The following KCTD8 variants were observed in gnomAD, a reference collection of about 807,000 sequenced individuals.
The protein encoded by KCTD8 is BTB/POZ domain-containing protein KCTD8.
KCTD8 carries 27 observed loss-of-function variants against 31.5 expected under a neutral mutation model. That is an observed-to-expected ratio of 0.86 (90% CI 0.63 to 1.18). The LOEUF is 1.18. KCTD8 is among the 50% of genes most tolerant of loss of function. KCTD8 has a pLI of 0.00. For missense variants in KCTD8, 658 were observed against 647.7 expected (o/e 1.02, Z -0.17); for synonymous variants, 290 against 280.0 (o/e 1.04, Z -0.36).
intron 1 of KCTD8, chr4:44,293,936 T>G: frequency 2.8e-6 from 1 of 357,804 alleles, no homozygotes; most frequent in South Asian, 2.2e-5. Flanking sequence ...ACAATTTTCT[T>G]GAGCATTTTA....
At chr4:44,253,227 T>C (rs1715895877) in intron 1 of KCTD8, among the ~76,000 whole-genome samples, 1 of 151,876 alleles carries the variant, frequency 6.6e-6, no homozygotes, top group African/African-American at 2.4e-5. Context: ...TCTTGTTTAA[T>C]AAATTTTATG....
chr4:44,194,675 T>C (rs1713877656), intron 1 of KCTD8, among the ~76,000 whole-genome samples: 1 of 152,076 alleles, frequency 6.6e-6, no homozygotes, highest in East Asian at 1.9e-4. Flanking sequence ...GCCTACTCTT[T>C]GTTCACTTTA....
chr4:44,218,098 A>C (rs1019983306), intron 1 of KCTD8, among the ~76,000 whole-genome samples: 1 of 147,438 alleles, frequency 6.8e-6, no homozygotes, highest in Non-Finnish European at 1.5e-5. Context: ...TATAGTCAAT[A>C]GTAACACTGT....
At chr4:44,310,375 A>G (rs1376072525) in intron 1 of KCTD8, among the ~76,000 whole-genome samples, 1 of 152,128 alleles carries the variant, frequency 6.6e-6, no homozygotes, top group African/African-American at 2.4e-5. Context: ...TGCTGCAATA[A>G]AAATGGGAGC....
chr4:44,426,032 G>T (rs2109473856), intron 1 of KCTD8, among the ~76,000 whole-genome samples: 1 of 151,686 alleles, frequency 6.6e-6, no homozygotes, highest in Non-Finnish European at 1.5e-5. Context: ...AAAAAAAAGT[G>T]TCTAGAAACC....
At chr4:44,368,793 T>C (rs1490557932) in intron 1 of KCTD8, among the ~76,000 whole-genome samples, 6 of 152,230 alleles carry the variant, frequency 3.9e-5, no homozygotes, top group Non-Finnish European at 8.8e-5. Context: ...AGGTTATAGT[T>C]AAATATGAAG....
At chr4:44,233,582 G>C (rs913381081) in intron 1 of KCTD8, among the ~76,000 whole-genome samples, 4 of 152,118 alleles carry the variant, frequency 2.6e-5, no homozygotes, top group Non-Finnish European at 5.9e-5. Flanking sequence ...ATGAACTGAA[G>C]GACAGAACCT....
intron 1 of KCTD8, among the ~76,000 whole-genome samples, chr4:44,270,200 G>A (rs1716541466): frequency 2.6e-5 from 4 of 151,858 alleles, no homozygotes; most frequent in Admixed American, 6.6e-5. Flanking sequence ...ACCATGGAAT[G>A]CTATGCAACC....
At chr4:44,301,100 T>G (rs2109392331) in intron 1 of KCTD8, among the ~76,000 whole-genome samples, 1 of 152,228 alleles carries the variant, frequency 6.6e-6, no homozygotes. Context: ...CCACATTTTC[T>G]TAATCCAGTC....
intron 1 of KCTD8, among the ~76,000 whole-genome samples, chr4:44,367,281 C>G (rs1405201930): frequency 6.6e-6 from 1 of 152,138 alleles, no homozygotes; most frequent in Non-Finnish European, 1.5e-5. Flanking sequence ...AAGAGAATAT[C>G]TAGTTTTGCT....
intron 1 of KCTD8, among the ~76,000 whole-genome samples, chr4:44,343,843 T>C (rs1301613293): frequency 1.3e-5 from 2 of 152,020 alleles, no homozygotes; most frequent in African/African-American, 4.8e-5. Flanking sequence ...AGGGTTTTTT[T>C]TGTTGTTGTT....
chr4:44,180,587 G>GCACACACACA (rs201708007), intron 1 of KCTD8, among the ~76,000 whole-genome samples: 1 of 139,130 alleles, frequency 7.2e-6, no homozygotes, highest in African/African-American at 2.7e-5. Context: ...ATACATACAT[G>GCACACACACA]CACACACACA....
At chr4:44,212,846 A>G (rs185548333) in intron 1 of KCTD8, among the ~76,000 whole-genome samples, 2 of 152,294 alleles carry the variant, frequency 1.3e-5, no homozygotes, top group Admixed American at 1.3e-4. Context: ...ATTACTGACA[A>G]TAACTGGTTT....
intron 1 of KCTD8, among the ~76,000 whole-genome samples, chr4:44,279,346 G>A (rs930002557): frequency 1.3e-5 from 2 of 151,974 alleles, no homozygotes; most frequent in Admixed American, 6.6e-5. Context: ...CTGCTTCCCA[G>A]TTCATTCAGG....
chr4:44,394,578 G>T (rs993229427), intron 1 of KCTD8, among the ~76,000 whole-genome samples: 1 of 151,986 alleles, frequency 6.6e-6, no homozygotes, highest in African/African-American at 2.4e-5. Flanking sequence ...GATTCCTTAA[G>T]ATCAGATCCT....
At chr4:44,442,191 A>T (rs1272303788) in intron 1 of KCTD8, among the ~76,000 whole-genome samples, 1 of 152,084 alleles carries the variant, frequency 6.6e-6, no homozygotes, top group Non-Finnish European at 1.5e-5. Context: ...TTTTAACAAA[A>T]GTCCCTAAAA....
At chr4:44,397,650 T>A (rs541508266) in intron 1 of KCTD8, among the ~76,000 whole-genome samples, 1 of 152,260 alleles carries the variant, frequency 6.6e-6, no homozygotes, top group East Asian at 1.9e-4. Flanking sequence ...TTTGAATAAT[T>A]TTTCTTTTTC....
intron 1 of KCTD8, among the ~76,000 whole-genome samples, chr4:44,376,076 C>G (rs1719909941): frequency 6.6e-6 from 1 of 152,096 alleles, no homozygotes; most frequent in Non-Finnish European, 1.5e-5. Context: ...TTCTCTGAAA[C>G]AAGACACAGA....
chr4:44,325,876 G>A (rs1278074946), intron 1 of KCTD8, among the ~76,000 whole-genome samples: 1 of 151,834 alleles, frequency 6.6e-6, no homozygotes, highest in Admixed American at 6.6e-5. Context: ...AAACAAGACA[G>A]GAAGAAATGT....
Sources: allele counts gnomAD v4.1 joint callset (sites outside exome capture counted in the v4.1 genomes callset), GRCh38; gene constraint gnomAD v4.1.1; transcripts MANE v1.5; gene names NCBI Gene and HGNC (gene_info 2026-07-23, HGNC 2026-07-21).